The following TRIO variants were observed in gnomAD, a reference collection of about 807,000 sequenced individuals.
TRIO encodes triple functional domain protein.
A neutral mutation model predicts 351.9 loss-of-function variants in TRIO; 58 were observed. That is an observed-to-expected ratio of 0.16 (90% CI 0.13 to 0.21). The LOEUF (loss-of-function observed/expected upper bound fraction) is 0.21. Among genes scored for constraint, TRIO ranks in the 10% least tolerant of loss-of-function variants. The pLI, the probability that TRIO is intolerant of heterozygous loss-of-function variation, is 1.00. For synonymous variants in TRIO, 1,758 were observed against 1,595.7 expected (o/e 1.10, Z -2.42); for missense variants, 3,201 against 4,027.8 (o/e 0.79, Z 5.56).
chr5:14,186,020 G>A (rs547476493), intron 1 of TRIO, among the ~76,000 whole-genome samples: 26 of 152,338 alleles, frequency 1.7e-4, no homozygotes, highest in African/African-American at 5.8e-4. Flanking sequence ...AGAGTGTTTT[G>A]AATAGCTTGT....
chr5:14,327,300 G>C (rs566755609), intron 9 of TRIO, among the ~76,000 whole-genome samples: 1 of 152,138 alleles, frequency 6.6e-6, no homozygotes, highest in Non-Finnish European at 1.5e-5. Context: ...AAGTAGCTGG[G>C]ATTACAGGTG....
At chr5:14,165,142 T>G (rs1430192634) in intron 1 of TRIO, among the ~76,000 whole-genome samples, 1 of 152,220 alleles carries the variant, frequency 6.6e-6, no homozygotes, top group Non-Finnish European at 1.5e-5. Context: ...AACTTTTATT[T>G]TAGATACAGG....
At position 14,508,433 on chromosome 5, in the gene TRIO, A is replaced by C. The variant is rs1325719207; in HGVS notation, c.*11A>C. On this transcript the variant is annotated 3_prime_UTR_variant, in exon 57 of 57. Transcript: ENST00000344204. Reference sequence around the variant, plus strand: ...CTGCCTAGAGTTTGACCTATCCAGAAGTTCTTTCTCATTCTCTTTCACCTG... The same window carrying C: ...CTGCCTAGAGTTTGACCTATCCAGACGTTCTTTCTCATTCTCTTTCACCTG... 1.3e-6 allele frequency: 2 copies of C among 1,572,548 alleles called. No individual in the cohort carries two copies. The highest frequency in any genetic ancestry group is 1.7e-6 in the Non-Finnish European group (2 of 1,158,914).
Position 14,330,882 on chromosome 5 carries a change from T to C in TRIO, c.1836T>C (p.Asp612=), listed in dbSNP as rs1327222863. The part of the protein sequence containing the change: ...RARALQKRHE[D]FEEVAQNTYT... Reference sequence around the variant, plus strand: ...GAGCATTGCAGAAACGTCATGAAGATTTTGAAGAAGTGGCACAGGTAAAAC... The same window carrying C: ...GAGCATTGCAGAAACGTCATGAAGACTTTGAAGAAGTGGCACAGGTAAAAC... Residue 612 remains aspartate (D), a synonymous_variant, in exon 10 of 57, where the codon GAT becomes GAC. Coordinates refer to ENST00000344204, the MANE Select transcript of TRIO (RefSeq NM_007118.4). 1.2e-6 allele frequency: 2 copies of C among 1,614,062 alleles called. No homozygotes were observed. The highest frequency in any genetic ancestry group is 1.7e-6 in the Non-Finnish European group (2 of 1,179,952).
At chr5:14,478,693 C>T (rs1460926560) in intron 41 of TRIO, among the ~76,000 whole-genome samples, 4 of 151,018 alleles carry the variant, frequency 2.6e-5, no homozygotes, top group Non-Finnish European at 4.4e-5. Flanking sequence ...TGGCTCATGC[C>T]TGTAATCCCA....
Position 14,497,325 on chromosome 5 carries a change from G to A in TRIO, c.8019+308G>A, listed in dbSNP as rs1756968943. 6.6e-6 allele frequency among the ~76,000 whole-genome samples: 1 copy of A among 152,242 alleles called. No homozygotes were observed. The highest frequency in any genetic ancestry group is 2.1e-4 in the South Asian group (1 of 4,832). On this transcript the variant is annotated intron_variant, in intron 50 of 56. Coordinates refer to ENST00000344204, the MANE Select transcript of TRIO (RefSeq NM_007118.4). The surrounding 1 kb of genome is among the most constrained non-coding windows in gnomAD (Gnocchi z 4.4). ...CTAGGTTCTCAGAAGCAGCGAAGGT[G>A]CAGAGAAGCTATGGCTCAGGCTTCC...
chr5:14,238,943 C>T (rs114338925), intron 1 of TRIO, among the ~76,000 whole-genome samples: 241 of 152,300 alleles, frequency 1.6e-3, no homozygotes, highest in African/African-American at 5.5e-3. Context: ...ACAGGTACTT[C>T]GTAGGATTAA....
rs774072211 is a variant in TRIO at position 14,368,774 on chromosome 5, G to A, written c.2941G>A (p.Asp981Asn). 35 of 1,613,950 alleles carry A rather than the reference G, an allele frequency of 2.2e-5. No homozygotes were observed. The highest frequency in any genetic ancestry group is 2.7e-5 in the African/African-American group (2 of 74,900). Residue 981 changes from aspartate to asparagine, a missense_variant, in exon 17 of 57, where the codon GAC becomes AAC. By Grantham distance (23) the Asp-to-Asn change is conservative. Around this residue, in one of 19 missense-constraint regions of TRIO, gnomAD observed 363 missense variants for 553.5 expected, o/e 0.66. Coordinates refer to ENST00000344204, the MANE Select transcript of TRIO (RefSeq NM_007118.4). ...AEAMLQANHY[D>N]MDMIRDCAEK... Reference sequence around the variant, plus strand: ...AGCCATGCTACAGGCCAACCACTACGACATGGACATGATCCGGGACTGCGC... The same window carrying A: ...AGCCATGCTACAGGCCAACCACTACAACATGGACATGATCCGGGACTGCGC...
chr5:14,379,846 C>T (rs893642220), intron 20 of TRIO, among the ~76,000 whole-genome samples: 3 of 152,188 alleles, frequency 2.0e-5, no homozygotes, highest in African/African-American at 4.8e-5. Flanking sequence ...GCCTTCCAGC[C>T]GTTCTGCTTC....
chr5:14,199,412 G>C lies in TRIO; in HGVS notation c.157+55530G>C, dbSNP rs773004019. On this transcript the variant is annotated intron_variant, in intron 1 of 56. Transcript: ENST00000344204. ...GCTTTCTTTCAAAAGCCACAAAGCT[G>C]TGTTATCTTGCTTTCAAGAAAATAT... Among the ~76,000 whole-genome samples, 14 of 152,180 alleles carry C rather than the reference G, an allele frequency of 9.2e-5. 1 individual carries two copies. The highest frequency in any genetic ancestry group is 2.0e-4 in the Admixed American group (3 of 15,290).
intron 49 of TRIO, 125 bp from the exon 50 acceptor site, chr5:14,496,754 G>C: frequency 1.6e-6 from 2 of 1,275,546 alleles, no homozygotes; most frequent in East Asian, 2.5e-5. Flanking sequence ...GTCACAGTTC[G>C]TAGAGGATTT....
chr5:14,360,970 C>T (rs1211701014), intron 13 of TRIO, among the ~76,000 whole-genome samples: 2 of 152,292 alleles, frequency 1.3e-5, no homozygotes, highest in South Asian at 4.1e-4. Flanking sequence ...ACCTGCACGC[C>T]GACCTCTGCC....
intron 8 of TRIO, among the ~76,000 whole-genome samples, chr5:14,308,518 A>C: frequency 1.4e-5 from 2 of 140,828 alleles, no homozygotes; most frequent in African/African-American, 2.7e-5. Context: ...CACCCTCCCA[A>C]CCTCCATCCA....
chr5:14,437,033 T>C (rs1751641183), intron 34 of TRIO, among the ~76,000 whole-genome samples: 1 of 152,234 alleles, frequency 6.6e-6, no homozygotes, highest in Non-Finnish European at 1.5e-5. Context: ...CTGAAGTGTC[T>C]GCAATCTATC....
chr5:14,456,864 A>T (rs186792686), intron 34 of TRIO, among the ~76,000 whole-genome samples: 1 of 152,202 alleles, frequency 6.6e-6, no homozygotes. Flanking sequence ...AAAATAATAG[A>T]TATGTTATTT....
At chr5:14,249,108 G>T (rs1307720301) in intron 1 of TRIO, among the ~76,000 whole-genome samples, 1 of 152,254 alleles carries the variant, frequency 6.6e-6, no homozygotes, top group Non-Finnish European at 1.5e-5. Context: ...GCTGGAGGCA[G>T]ACTGACTTGT....
chr5:14,385,605 G>T (rs1409990556), intron 21 of TRIO, among the ~76,000 whole-genome samples: 1 of 152,238 alleles, frequency 6.6e-6, no homozygotes, highest in Non-Finnish European at 1.5e-5. Context: ...TGTCTCTGAA[G>T]TGATAGCAAG....
At chr5:14,387,233 C>A in intron 21 of TRIO, 2 of 486,080 alleles carry the variant, frequency 4.1e-6, no homozygotes, top group East Asian at 3.0e-5. Flanking sequence ...ATAAAAATGC[C>A]ATTCGTTGTA....
chr5:14,177,075 T>C (rs1789450169), intron 1 of TRIO, among the ~76,000 whole-genome samples: 1 of 152,206 alleles, frequency 6.6e-6, no homozygotes, highest in Non-Finnish European at 1.5e-5. Flanking sequence ...TTGGGTTCCA[T>C]GGACTCTGCC....
Sources: allele counts gnomAD v4.1 joint callset (sites outside exome capture counted in the v4.1 genomes callset), GRCh38; gene constraint gnomAD v4.1.1; regional missense constraint gnomAD v4.1.1; non-coding constraint Gnocchi (gnomAD v3.1); transcripts MANE v1.5; gene names NCBI Gene and HGNC (gene_info 2026-07-23, HGNC 2026-07-21).